The following FBN3 variants were observed in gnomAD, a reference collection of about 807,000 sequenced individuals.
FBN3 encodes fibrillin 3.
FBN3 carries 234 observed loss-of-function variants against 330.1 expected under a neutral mutation model. The ratio of observed to expected loss-of-function variants is 0.71; its 90% confidence interval spans 0.64 to 0.79. The LOEUF (loss-of-function observed/expected upper bound fraction) is 0.79, where lower values mean the gene tolerates loss of function less well. Ranked by LOEUF, FBN3 falls within the 30% of genes least tolerant of loss-of-function variation. The pLI, the probability that FBN3 is intolerant of heterozygous loss-of-function variation, is 0.00. For synonymous variants in FBN3, 1,458 were observed against 1,517.3 expected (o/e 0.96, Z 0.91); for missense variants, 3,606 against 3,886.9 (o/e 0.93, Z 1.92).
chr19:8,067,297 T>C (rs2050070256), intron 63 of FBN3, among the ~76,000 whole-genome samples: 1 of 151,994 alleles, frequency 6.6e-6, no homozygotes, highest in African/African-American at 2.4e-5. Flanking sequence ...GGCTAATTTT[T>C]GTATTTTCAG....
rs550550561 is a variant in FBN3, at chr19:8,133,544, G to A, written c.1592-438C>T. ...CAGCTCCCTGCAACCTCCGCCTCGC[G>A]GGTTCAAGCGATTCTCCTGCTTCAG... On this transcript the variant is annotated intron_variant, in intron 13 of 63. Coordinates refer to ENST00000600128, the MANE Select transcript of FBN3 (RefSeq NM_032447.5). Among the ~76,000 whole-genome samples, 117 of 152,010 alleles carry A rather than the reference G, an allele frequency of 7.7e-4. 1 individual carries two copies. Among genetic ancestry groups the A allele is most frequent in the African/African-American group, 2.8e-3 (114 of 41,454 alleles).
rs1300772705 is a variant in FBN3 at position 8,112,031 on chromosome 19, T to A, written c.3907A>T (p.Ser1303Cys). 1 of 1,594,240 alleles carries A rather than the reference T, an allele frequency of 6.3e-7. No individual in the cohort carries two copies. Among genetic ancestry groups the A allele is most frequent in the Non-Finnish European group, 8.6e-7 (1 of 1,168,392 alleles). The change falls in exon 31 of 64, where the codon AGT (serine) becomes TGT (cysteine). Residue 1303 changes from serine to cysteine, a missense_variant. Physicochemically the swap from Ser to Cys is moderately radical, Grantham distance 112 (BLOSUM62 -1). Transcript: ENST00000600128. ...CCTGGCAGGCACCTACAGCTGAAAC[T>A]CCCCGGGATGTTGAGACAGGAGGCG... ...SHASCLNIPG[S>C]FSCRCLPGWV...
rs1020256734 is a variant in FBN3, at chr19:8,117,116, ACCT to A, written c.3586+50_3586+52del. ...TGGGCCAGTGCAGGACCCAGCCAACACCTCCTCCTCACCCTCCACACCAGGCAG... is the reference window on the plus strand; with the variant it reads ...TGGGCCAGTGCAGGACCCAGCCAACACCTCCTCACCCTCCACACCAGGCAG... On this transcript the variant is annotated intron_variant, in intron 28 of 63. Coordinates refer to ENST00000600128, the MANE Select transcript of FBN3 (RefSeq NM_032447.5). 45 of 1,606,318 alleles carry A rather than the reference ACCT, an allele frequency of 2.8e-5. No individual in the cohort carries two copies. The African/African-American group carries it at 4.8e-4, about 17-fold the overall frequency.
At chr19:8,090,005 G>T in intron 49 of FBN3, 46 bp from the exon 50 acceptor site, 2 of 1,598,832 alleles carry the variant, frequency 1.3e-6, no homozygotes, top group South Asian at 1.1e-5. Flanking sequence ...CCTAGGTGCA[G>T]CCCCCAGGTG....
chr19:8,092,358 C>A (rs2144705333), intron 47 of FBN3, among the ~76,000 whole-genome samples: 1 of 152,124 alleles, frequency 6.6e-6, no homozygotes, highest in East Asian at 2.0e-4. Flanking sequence ...AAATGCCCAT[C>A]AGCCAACGAG....
At chr19:8,086,017 TG>T (rs1568370763) in intron 55 of FBN3, among the ~76,000 whole-genome samples, 182 bp downstream of exon 55, 5 of 69,826 alleles carry the variant, frequency 7.2e-5, no homozygotes, top group African/African-American at 2.3e-4. Context: ...GGACAGGCAG[TG>T]GGAGGGACAG....
intron 6 of FBN3, among the ~76,000 whole-genome samples, chr19:8,143,996 G>C (rs574538379): frequency 1.1e-4 from 17 of 151,814 alleles, no homozygotes; most frequent in Non-Finnish European, 2.1e-4. Context: ...TTTAGAGAGG[G>C]GGGGTGTCTC....
chr19:8,094,508 A>G lies in FBN3; in HGVS notation c.5843T>C (p.Leu1948Pro), dbSNP rs781150453. Reference protein sequence around the residue: ...GTCLPGTCQNLEGSFRCICPP... With the variant: ...GTCLPGTCQNPEGSFRCICPP... ...ACAGATGCAGCGGAAGGAGCCCTCG[A>G]GGTTCTGGCAAGTGCCGGGTAGGCA... Residue 1948 changes from leucine (L) to proline (P), a missense_variant, in exon 47 of 64, where the codon CTC becomes CCC. Transcript: ENST00000600128. 4 of 1,614,024 alleles carry G rather than the reference A, an allele frequency of 2.5e-6. No homozygotes were observed. Among genetic ancestry groups the G allele is most frequent in the Non-Finnish European group, 3.4e-6 (4 of 1,179,918 alleles).
In FBN3 at chr19:8,114,398, C is replaced by T. The variant is rs895049727; in HGVS notation, c.3838+1117G>A. On this transcript the variant is annotated intron_variant, in intron 30 of 63. Transcript: ENST00000600128. Reference sequence around the variant, plus strand: ...CCAAGCAGCTGGGATTACAGGCGTGCGCCACCACGCCCAGCTAATTTTGTA... The same window carrying T: ...CCAAGCAGCTGGGATTACAGGCGTGTGCCACCACGCCCAGCTAATTTTGTA... Among the ~76,000 whole-genome samples the T allele has an allele frequency of 7.9e-5, 12 of 151,774 alleles. No homozygotes were observed. The South Asian group carries it at 1.0e-3, about 13-fold the overall frequency.
In FBN3 at chr19:8,138,580, G is replaced by A. The variant is rs757808096; in HGVS notation, c.866-16C>T. On this transcript the variant is annotated splice_polypyrimidine_tract_variant and intron_variant, in intron 8 of 63. Coordinates refer to ENST00000600128, the MANE Select transcript of FBN3 (RefSeq NM_032447.5). Reference sequence around the variant, plus strand: ...GCCCGGTAGTCTGCAAAAGATCAGAGGGTGAGCCCATGAGCACAGGACATC... The same window carrying A: ...GCCCGGTAGTCTGCAAAAGATCAGAAGGTGAGCCCATGAGCACAGGACATC... 9 of 1,592,720 alleles carry A rather than the reference G, an allele frequency of 5.7e-6. No individual in the cohort carries two copies. In the South Asian group the frequency reaches 1.0e-4, roughly 18 times the overall value.
At chr19:8,100,201 G>C (rs1366133852) in intron 41 of FBN3, among the ~76,000 whole-genome samples, 1 of 152,096 alleles carries the variant, frequency 6.6e-6, no homozygotes, top group African/African-American at 2.4e-5. Flanking sequence ...AGGGACTGAG[G>C]GGGATGGGGA....
In FBN3 at chr19:8,131,233, A is replaced by T; in HGVS notation, c.2044+2T>A. The stretch of plus-strand genomic sequence containing the variant: ...TGTTTGGAGGGGCTGGGCTCCACTT[A>T]CCTCGACCATCCGTGGTAATGCCAA... On this transcript the variant is annotated splice_donor_variant, in intron 16 of 63. Coordinates refer to ENST00000600128, the MANE Select transcript of FBN3 (RefSeq NM_032447.5). LOFTEE classifies it high-confidence loss of function. The surrounding 1 kb of genome is among the most constrained non-coding windows in gnomAD (Gnocchi z 4.5). 6.2e-7 allele frequency: 1 copy of T among 1,607,954 alleles called. No homozygotes were observed. Among genetic ancestry groups the T allele is most frequent in the South Asian group, 1.1e-5 (1 of 89,094 alleles).
chr19:8,108,382 T>G, intron 36 of FBN3, 144 bp from the exon 37 acceptor site: 1 of 630,746 alleles, frequency 1.6e-6, no homozygotes, highest in Non-Finnish European at 2.7e-6. Context: ...CATATCTCTT[T>G]AGCCTCTTGG....
intron 22 of FBN3, among the ~76,000 whole-genome samples, chr19:8,124,527 C>T (rs943228947): frequency 1.4e-5 from 2 of 143,030 alleles, no homozygotes; most frequent in Non-Finnish European, 3.0e-5. Context: ...TGTGAGCTAC[C>T]GTGCCTGGCC....
chr19:8,086,984 G>GT, intron 54 of FBN3, 93 bp downstream of exon 54: 1 of 1,459,872 alleles, frequency 6.8e-7, no homozygotes, highest in Non-Finnish European at 9.1e-7. Context: ...GGGATGACAG[G>GT]TATGAGTCAC....
rs2083531905 is a variant in FBN3 at position 8,145,902 on chromosome 19, G to A, written c.386C>T (p.Thr129Ile). Reference protein sequence around the residue: ...GCSVSCMNGGTCRGASCLCQK... With the variant: ...GCSVSCMNGGICRGASCLCQK... ...ACACAGACAGGACGCCCCCCGGCAG[G>A]TGCCCCCATTCATACAGCTCACACT... is the stretch of plus-strand genomic sequence containing the variant. The change falls in exon 5 of 64, where the codon ACC (threonine) becomes ATC (isoleucine). Residue 129 changes from threonine to isoleucine, a missense_variant. Thr to Ile is a moderately conservative substitution (Grantham distance 89). Transcript: ENST00000600128. 1.3e-6 allele frequency: 2 copies of A among 1,551,246 alleles called. No individual in the cohort carries two copies. The highest frequency in any genetic ancestry group is 8.7e-7 in the Non-Finnish European group (1 of 1,147,004).
At chr19:8,112,196 G>A (rs1230923512) in intron 30 of FBN3, 97 bp from the exon 31 acceptor site, 3 of 1,346,802 alleles carry the variant, frequency 2.2e-6, no homozygotes, top group African/African-American at 2.9e-5. Context: ...CTCTCTAGGG[G>A]AGAGCTGGCC....
intron 26 of FBN3, among the ~76,000 whole-genome samples, chr19:8,118,013 T>C (rs990250876): frequency 6.6e-6 from 1 of 151,698 alleles, no homozygotes; most frequent in Non-Finnish European, 1.5e-5. Flanking sequence ...CACACCCATG[T>C]GCACACACAG....
At chr19:8,146,271 G>C in intron 3 of FBN3, 46 bp from the exon 4 acceptor site, 1 of 1,500,286 alleles carries the variant, frequency 6.7e-7, no homozygotes. Context: ...ACCGAGCCTG[G>C]GCCGTCCCTG....
Sources: gnomAD v4.1 joint callset for allele counts (sites outside exome capture counted in the v4.1 genomes callset) on GRCh38, gnomAD v4.1.1 for gene constraint, Gnocchi (gnomAD v3.1) non-coding constraint, MANE v1.5 for transcripts, NCBI Gene and HGNC (gene_info 2026-07-23, HGNC 2026-07-21) for gene names.